CCDC7: variants seen among roughly 807,000 people sequenced by gnomAD.
CCDC7 encodes coiled-coil domain-containing protein 7.
In CCDC7, 183 loss-of-function variants were observed where a neutral mutation model predicts 196.9. The observed-to-expected ratio is 0.93, with a 90% CI of 0.82 to 1.05. The LOEUF is 1.05. CCDC7 is among the 50% of genes least tolerant of loss of function. The probability of loss-of-function intolerance (pLI) is 0.00; values close to 1 mark genes in which losing one functional copy is unlikely to be tolerated. For missense variants in CCDC7, 1,540 were observed against 1,482.2 expected, an observed-to-expected ratio of 1.04 and a Z score of -0.64; for synonymous variants, 525 against 484.6, an observed-to-expected ratio of 1.08 and a Z score of -1.10.
rs186981221 is a variant in CCDC7, at chr10:32,693,130, A to T, written c.2345-1749A>T. Among the ~76,000 whole-genome samples the T allele has an allele frequency of 2.0e-3, 300 of 152,138 alleles. 1 individual carries two copies. Among genetic ancestry groups the T allele is most frequent in the Non-Finnish European group, 3.8e-3 (257 of 67,970 alleles). ...ACTATATTGATGAGTTACTGCTTTT[A>T]TTTTTTCTTCAATGATTTCATTTCA... is the stretch of plus-strand genomic sequence containing the variant. On this transcript the variant is annotated intron_variant, in intron 23 of 41. Transcript: ENST00000639629.
intron 8 of CCDC7, among the ~76,000 whole-genome samples, chr10:32,486,148 C>A (rs180835256): frequency 2.0e-5 from 3 of 152,148 alleles, no homozygotes; most frequent in Non-Finnish European, 4.4e-5. Context: ...CTTTCTAGGT[C>A]TCCAAGGACT....
intron 18 of CCDC7, among the ~76,000 whole-genome samples, chr10:32,618,480 A>T (rs906434857): frequency 2.6e-5 from 4 of 152,066 alleles, no homozygotes; most frequent in African/African-American, 9.6e-5. Flanking sequence ...ATTTTCGGCA[A>T]GACCAGTCCA....
chr10:32,800,143 A>G (rs769919411), intron 29 of CCDC7, among the ~76,000 whole-genome samples: 1 of 152,238 alleles, frequency 6.6e-6, no homozygotes, highest in Non-Finnish European at 1.5e-5. Context: ...CCTGTCTTCT[A>G]CACAGGCCAA....
chr10:32,808,809 A>T (rs2086419632), intron 30 of CCDC7, among the ~76,000 whole-genome samples: 1 of 19,532 alleles, frequency 5.1e-5, no homozygotes, highest in South Asian at 0.083. Context: ...GACATCACTG[A>T]CACTGTTATA....
chr10:32,796,847 G>A (rs1207140243), intron 29 of CCDC7, among the ~76,000 whole-genome samples: 1 of 152,022 alleles, frequency 6.6e-6, no homozygotes. Context: ...AGACATCCCA[G>A]GACAAATTGG....
At chr10:32,532,022 A>G (rs2049753305) in intron 11 of CCDC7, among the ~76,000 whole-genome samples, 1 of 151,962 alleles carries the variant, frequency 6.6e-6, no homozygotes, top group South Asian at 2.1e-4. Context: ...CACATTTCTT[A>G]GTCTCAATAT....
At chr10:32,700,713 TGTCCTC>T (rs1222220489) in intron 24 of CCDC7, among the ~76,000 whole-genome samples, 2 of 152,254 alleles carry the variant, frequency 1.3e-5, no homozygotes, top group Admixed American at 6.5e-5. Context: ...CATTTGTTTA[TGTCCTC>T]TTTTATTTCA....
intron 23 of CCDC7, among the ~76,000 whole-genome samples, chr10:32,690,604 T>C (rs748363210): frequency 5.3e-5 from 8 of 152,238 alleles, no homozygotes; most frequent in Non-Finnish European, 5.9e-5. Flanking sequence ...ACTTAGTTAT[T>C]GAATGGAGAA....
intron 24 of CCDC7, among the ~76,000 whole-genome samples, chr10:32,700,353 T>C (rs1008592380): frequency 6.7e-6 from 1 of 149,374 alleles, no homozygotes; most frequent in African/African-American, 2.6e-5. Context: ...TTGTCAAAGA[T>C]CAGATGGTTG....
At chr10:32,652,562 A>T (rs756110404) in intron 20 of CCDC7, among the ~76,000 whole-genome samples, 1 of 151,920 alleles carries the variant, frequency 6.6e-6, no homozygotes, top group African/African-American at 2.4e-5. Flanking sequence ...TGTTTTTAGT[A>T]TATCTATTAT....
intron 20 of CCDC7, among the ~76,000 whole-genome samples, chr10:32,641,322 C>T (rs988942834): frequency 6.6e-6 from 1 of 152,164 alleles, no homozygotes; most frequent in Non-Finnish European, 1.5e-5. Context: ...TTCACATAGT[C>T]CCATATTTCT....
At chr10:32,485,130 G>A (rs2040772858) in intron 8 of CCDC7, among the ~76,000 whole-genome samples, 2 of 152,150 alleles carry the variant, frequency 1.3e-5, no homozygotes, top group Admixed American at 1.3e-4. Flanking sequence ...TCTGGTCCTG[G>A]ACTTTTTTTG....
At chr10:32,503,179 A>G (rs1300950605) in intron 9 of CCDC7, among the ~76,000 whole-genome samples, 2 of 152,144 alleles carry the variant, frequency 1.3e-5, no homozygotes, top group Non-Finnish European at 2.9e-5. Flanking sequence ...GACTTCTAGT[A>G]CTATGTTGAA....
At chr10:32,815,640 A>C (rs1454204884) in intron 31 of CCDC7, among the ~76,000 whole-genome samples, 6 of 152,250 alleles carry the variant, frequency 3.9e-5, no homozygotes, top group Non-Finnish European at 8.8e-5. Flanking sequence ...TAATCTATAC[A>C]TCTGAGTTCT....
chr10:32,559,841 A>G (rs947845960), intron 13 of CCDC7, among the ~76,000 whole-genome samples: 1 of 152,244 alleles, frequency 6.6e-6, no homozygotes, highest in African/African-American at 2.4e-5. Context: ...TGACGAGTTG[A>G]GAGAAGAAGG....
At chr10:32,620,717 T>A (rs1390814523) in intron 18 of CCDC7, among the ~76,000 whole-genome samples, 1 of 152,200 alleles carries the variant, frequency 6.6e-6, no homozygotes, top group Non-Finnish European at 1.5e-5. Context: ...TGTTTAGCAG[T>A]GTCTGATTAA....
chr10:32,627,250 G>A (rs1291730358), intron 18 of CCDC7, among the ~76,000 whole-genome samples: 1 of 151,608 alleles, frequency 6.6e-6, no homozygotes, highest in African/African-American at 2.4e-5. Context: ...TTATCTCTTT[G>A]GTCAAACTTT....
chr10:32,623,890 T>A, intron 18 of CCDC7: 2 of 418,678 alleles, frequency 4.8e-6, no homozygotes, highest in Admixed American at 5.3e-5. Flanking sequence ...CTGAACTGAG[T>A]GAGAACTCAC....
chr10:32,843,517 AT>A (rs2093107102), intron 33 of CCDC7, among the ~76,000 whole-genome samples: 1 of 152,024 alleles, frequency 6.6e-6, no homozygotes, highest in Admixed American at 6.6e-5. Context: ...TATGTTATTT[AT>A]TTTGTAAAAA....
Sources: allele counts gnomAD v4.1 joint callset (sites outside exome capture counted in the v4.1 genomes callset), GRCh38; gene constraint gnomAD v4.1.1; transcripts MANE v1.5; gene names NCBI Gene and HGNC (gene_info 2026-07-23, HGNC 2026-07-21).